Variants in PIGN observed in about 807,000 individuals in gnomAD.
PIGN encodes the protein GPI ethanolamine phosphate transferase 1.
In PIGN, 117 loss-of-function variants were observed where a neutral mutation model predicts 125.4. The ratio of observed to expected loss-of-function variants is 0.93; its 90% CI spans 0.80 to 1.09. The LOEUF is 1.09. Ranked by LOEUF, PIGN falls within the 50% of genes least tolerant of loss-of-function variation. PIGN has a pLI of 0.00. For synonymous variants in PIGN, 392 were observed against 377.8 expected, an observed-to-expected ratio of 1.04 and a Z score of -0.44; for missense variants, 1,075 against 1,094.9, an observed-to-expected ratio of 0.98 and a Z score of 0.26.
chr18:62,060,015 C>T (rs2032020280), intron 30 of PIGN, among the ~76,000 whole-genome samples: 1 of 152,218 alleles, frequency 6.6e-6, no homozygotes, highest in African/African-American at 2.4e-5. Flanking sequence ...CTATAAAAGG[C>T]ATTCCACAGA....
In PIGN at chr18:62,143,213, CAATATT is replaced by C. The variant is rs942788690; in HGVS notation, c.963+87_963+92del. ...TGAAATGTTTTGAAAAAGACTTTGT[CAATATT>C]AATATTATCTCTTTTTCATAGTTTT... On this transcript the variant is annotated intron_variant, in intron 11 of 30. Transcript: ENST00000640252. 2.1e-4 allele frequency: 141 copies of C among 683,990 alleles called. 2 individuals are homozygous for C. The highest frequency in any genetic ancestry group is 1.1e-3 in the East Asian group (37 of 34,028). The allele number at this position is 683,990 out of a possible 1,614,324, so 42.4% of individuals were successfully genotyped here.
At chr18:62,030,890 T>C (rs560272351) in intron 23 of PIGN, among the ~76,000 whole-genome samples, 1 of 152,220 alleles carries the variant, frequency 6.6e-6, no homozygotes, top group Admixed American at 6.5e-5. Context: ...GGCTTGAGGA[T>C]GGTCCCAGCT....
chr18:62,133,485 G>T (rs902678946), intron 14 of PIGN, among the ~76,000 whole-genome samples: 5 of 151,992 alleles, frequency 3.3e-5, no homozygotes, highest in Non-Finnish European at 5.9e-5. Flanking sequence ...ATTTATTTTT[G>T]ATATAAATTT....
At chr18:62,048,188 A>G (rs571253928) in intron 30 of PIGN, among the ~76,000 whole-genome samples, 5 of 152,294 alleles carry the variant, frequency 3.3e-5, no homozygotes, top group African/African-American at 1.2e-4. Context: ...AAAAAAATGA[A>G]CAGAGTCTCA....
intron 16 of PIGN, among the ~76,000 whole-genome samples, chr18:62,111,584 G>GTA (rs2034882819): frequency 6.6e-6 from 1 of 152,146 alleles, no homozygotes; most frequent in African/African-American, 2.4e-5. Context: ...GGTTATATGT[G>GTA]TACATCTCTT....
chr18:62,144,318 T>C (rs893899898), intron 10 of PIGN, among the ~76,000 whole-genome samples: 2 of 152,208 alleles, frequency 1.3e-5, no homozygotes, highest in African/African-American at 4.8e-5. Flanking sequence ...GTAGCTCCTA[T>C]GGCAAACTGG....
chr18:62,054,627 G>A (rs2031587265), intron 30 of PIGN, among the ~76,000 whole-genome samples: 1 of 151,272 alleles, frequency 6.6e-6, no homozygotes, highest in South Asian at 2.1e-4. Flanking sequence ...GAGTAGCTGA[G>A]ACCACAGGCA....
At chr18:62,172,516 T>G (rs1334623600) in intron 1 of PIGN, among the ~76,000 whole-genome samples, 2 of 152,172 alleles carry the variant, frequency 1.3e-5, no homozygotes, top group South Asian at 4.1e-4. Flanking sequence ...TGTACTTAAC[T>G]TAGTACTCTA....
chr18:62,040,605 T>C (rs2030341243), downstream of PIGN, among the ~76,000 whole-genome samples: 1 of 152,202 alleles, frequency 6.6e-6, no homozygotes, highest in Non-Finnish European at 1.5e-5. Flanking sequence ...CTATGAGCAG[T>C]TTTTAATAAA....
Position 62,105,603 on chromosome 18 carries a change from A to C in PIGN, c.1799T>G (p.Leu600Trp), listed in dbSNP as rs2034607345. 2 of 1,554,202 alleles carry C rather than the reference A, an allele frequency of 1.3e-6. No individual in the cohort carries two copies. Among genetic ancestry groups the C allele is most frequent in the Non-Finnish European group, 1.7e-6 (2 of 1,148,330 alleles). The part of the protein sequence containing the change: ...MTSLSWTFFS[L>W]LLAVFPLMPV... ...CATCAGTGGGAACACTGCCAGGAGC[A>C]AAGAGAAGAAAGTCCAACTCAGTGA... is the stretch of plus-strand genomic sequence containing the variant. The change falls in exon 20 of 31, where the codon TTG (leucine) becomes TGG (tryptophan). Residue 600 changes from leucine to tryptophan, a missense_variant. Leu to Trp is a moderately conservative substitution (Grantham distance 61). Coordinates refer to ENST00000640252, the MANE Select transcript of PIGN (RefSeq NM_176787.5).
At chr18:62,026,723 G>A (rs1399061245) in intron 23 of PIGN, among the ~76,000 whole-genome samples, 1 of 152,166 alleles carries the variant, frequency 6.6e-6, no homozygotes, top group Non-Finnish European at 1.5e-5. Flanking sequence ...TGCCACTCTT[G>A]TCAAAAGACA....
intron 11 of PIGN, among the ~76,000 whole-genome samples, 164 bp from the exon 12 acceptor site, chr18:62,140,643 T>A (rs759010758): frequency 1.5e-4 from 23 of 152,108 alleles, no homozygotes; most frequent in Non-Finnish European, 1.9e-4. Flanking sequence ...AAAGTGTCAT[T>A]TGCTAGATGT....
At chr18:62,102,716 G>C in intron 21 of PIGN, 78 bp downstream of exon 21, 1 of 660,096 alleles carries the variant, frequency 1.5e-6, no homozygotes, top group Non-Finnish European at 2.5e-6. Flanking sequence ...GGCATTTTAT[G>C]AACATAATTA....
chr18:62,156,030 A>C (rs2036719522), intron 6 of PIGN, among the ~76,000 whole-genome samples: 1 of 152,188 alleles, frequency 6.6e-6, no homozygotes, highest in South Asian at 2.1e-4. Context: ...CTCATGACTA[A>C]GTATGTTACA....
Position 62,174,302 on chromosome 18 carries a change from T to C in PIGN, c.-235-10646A>G, listed in dbSNP as rs1173444642. 6 of 152,148 alleles carry C rather than the reference T, an allele frequency of 3.9e-5. No homozygotes were observed. In the East Asian group the frequency reaches 7.7e-4, roughly 19 times the overall value. The allele number at this position is 152,148 out of a possible 1,614,324, so 9.4% of individuals were successfully genotyped here. A position where few individuals can be genotyped will look rare whatever the true frequency, so the allele number is the denominator to read the frequency against. On this transcript the variant is annotated intron_variant, in intron 1 of 30. Transcript: ENST00000640252. ...GTAGCTCCTAGTTCACTGCTGTAAT[T>C]ACTTACTTTTTCAGTTTTACATACC...
intron 26 of PIGN, 41 bp downstream of exon 26, chr18:62,085,168 T>A: frequency 8.7e-7 from 1 of 1,146,372 alleles, no homozygotes; most frequent in Non-Finnish European, 1.3e-6. Context: ...GGTTGCATTA[T>A]TTTTTAGTTA....
In PIGN at chr18:62,072,728, G is replaced by GT; in HGVS notation, c.2620-4dup. The GT allele has an allele frequency of 2.1e-6, 3 of 1,401,918 alleles. No homozygotes were observed. In the South Asian group the frequency reaches 4.2e-5, roughly 20 times the overall value. 86.8% of individuals were successfully genotyped at this position (1,401,918 alleles called of 1,614,324 possible). A position where few individuals can be genotyped will look rare whatever the true frequency, so the allele number is the denominator to read the frequency against. ...TCCTTGACCAAGAAGAAAAAATGCTGTAAAAAAAAAAAAAGGCTTAATGAA... is the reference window on the plus strand; with the variant it reads ...TCCTTGACCAAGAAGAAAAAATGCTGTTAAAAAAAAAAAAAGGCTTAATGAA... On this transcript the variant is annotated splice_polypyrimidine_tract_variant and splice_region_variant and intron_variant, in intron 29 of 30. Coordinates refer to ENST00000640252, the MANE Select transcript of PIGN (RefSeq NM_176787.5).
intron 30 of PIGN, chr18:62,053,018 AG>A (rs1172879598): frequency 1.1e-5 from 4 of 360,586 alleles, no homozygotes; most frequent in Non-Finnish European, 2.0e-5. Context: ...AAAAGAACTC[AG>A]TAAGTAAAAA....
At chr18:62,176,728 A>G (rs1249281654) in intron 1 of PIGN, among the ~76,000 whole-genome samples, 1 of 152,170 alleles carries the variant, frequency 6.6e-6, no homozygotes, top group Non-Finnish European at 1.5e-5. Context: ...AGGAGGTTAA[A>G]GAGACTTACC....
Sources: allele counts gnomAD v4.1 joint callset (sites outside exome capture counted in the v4.1 genomes callset), GRCh38; gene constraint gnomAD v4.1.1; transcripts MANE v1.5; gene names NCBI Gene and HGNC (gene_info 2026-07-23, HGNC 2026-07-21).